The following LRRC7 variants were observed in gnomAD, a reference collection of about 807,000 sequenced individuals.
LRRC7 encodes leucine rich repeat containing 7, also known as leucine-rich repeat-containing protein 7.
A neutral mutation model predicts 175.7 loss-of-function variants in LRRC7; 23 were observed. The observed-to-expected ratio is 0.13, with a 90% CI of 0.09 to 0.19. The LOEUF (loss-of-function observed/expected upper bound fraction) is 0.19. LRRC7 is among the 10% of genes least tolerant of loss of function. The probability of loss-of-function intolerance (pLI) is 1.00; values close to 1 mark genes in which losing one functional copy is unlikely to be tolerated. For synonymous variants in LRRC7, 685 were observed against 680.9 expected (o/e 1.01, Z -0.09); for missense variants, 1,354 against 1,904.7 (o/e 0.71, Z 5.38).
chr1:69,714,090 A>G (rs1386801872), intron 2 of LRRC7, among the ~76,000 whole-genome samples: 1 of 152,114 alleles, frequency 6.6e-6, no homozygotes, highest in Non-Finnish European at 1.5e-5. Context: ...CCTTACACCA[A>G]TTCACCTTGC....
intron 2 of LRRC7, among the ~76,000 whole-genome samples, chr1:69,729,426 G>T (rs778083489): frequency 3.3e-5 from 5 of 152,088 alleles, no homozygotes; most frequent in Non-Finnish European, 5.9e-5. Flanking sequence ...TACAATGGGG[G>T]TACAGGTATT....
chr1:70,030,696 T>G (rs725794), intron 18 of LRRC7, among the ~76,000 whole-genome samples: 2,576 of 152,134 alleles, frequency 0.017, 76 homozygotes, highest in African/African-American at 0.059. Flanking sequence ...ATTCATGTGA[T>G]TAAATATAGA....
In LRRC7 at chr1:69,742,174, A is replaced by G. The variant is rs187615616; in HGVS notation, c.101-18017A>G. On this transcript the variant is annotated intron_variant, in intron 2 of 26. Transcript: ENST00000651989. The stretch of plus-strand genomic sequence containing the variant: ...ACAGTGAGTACATGAAATAATTGGA[A>G]TTGTAAGTATTACTTTTGGAGAAGA... Among the ~76,000 whole-genome samples the G allele has an allele frequency of 4.7e-3, 708 of 152,184 alleles. 6 individuals carry two copies. The highest frequency in any genetic ancestry group is 0.031 in the Middle Eastern group (9 of 294).
chr1:69,612,272 A>T (rs1648892176), intron 1 of LRRC7, among the ~76,000 whole-genome samples: 1 of 152,046 alleles, frequency 6.6e-6, no homozygotes, highest in Non-Finnish European at 1.5e-5. Flanking sequence ...TCAAAACTTG[A>T]TCTGATATGA....
rs1200202233 is a variant in LRRC7 at position 70,132,451 on chromosome 1, T to C, written c.*10564T>C. Among the ~76,000 whole-genome samples the C allele has an allele frequency of 2.6e-5, 2 of 77,224 alleles. No homozygotes were observed. Among genetic ancestry groups the C allele is most frequent in the East Asian group, 3.2e-4 (1 of 3,106 alleles). The allele number at this position is 77,224 out of a possible 152,430, so 50.7% of individuals were successfully genotyped here. On this transcript the variant is annotated 3_prime_UTR_variant, in exon 27 of 27. Coordinates refer to ENST00000651989, the MANE Select transcript of LRRC7 (RefSeq NM_001370785.2). ...AGTACTTTTCTTTTTTCTTTTCTTT[T>C]CTTTTCTTTTTTTTTTTTTTTTTTT...
chr1:69,665,675 A>G (rs1037682175), intron 1 of LRRC7, among the ~76,000 whole-genome samples: 13 of 151,400 alleles, frequency 8.6e-5, no homozygotes, highest in African/African-American at 2.7e-4. Context: ...TTGATTTTGT[A>G]TCCTACAACT....
rs148873789 is a variant in LRRC7, at chr1:69,747,441, A to T, written c.101-12750A>T. On this transcript the variant is annotated intron_variant, in intron 2 of 26. Coordinates refer to ENST00000651989, the MANE Select transcript of LRRC7 (RefSeq NM_001370785.2). ...GTCCAGCTCAGCAGTATGTAATTAT[A>T]GTGAAGATAGCAGAGAGCCAGTGAA... Among the ~76,000 whole-genome samples, 209 of 152,262 alleles carry T rather than the reference A, an allele frequency of 1.4e-3. 1 individual carries two copies. The highest frequency in any genetic ancestry group is 2.5e-3 in the Non-Finnish European group (167 of 68,010).
At chr1:69,886,189 GT>G (rs1557851371) in intron 7 of LRRC7, among the ~76,000 whole-genome samples, 2 of 151,928 alleles carry the variant, frequency 1.3e-5, no homozygotes, top group African/African-American at 4.8e-5. Flanking sequence ...TTTCTGTCTC[GT>G]TTATCTGTCT....
chr1:69,990,649 G>A (rs1037372038), intron 10 of LRRC7, among the ~76,000 whole-genome samples: 1 of 152,030 alleles, frequency 6.6e-6, no homozygotes, highest in Non-Finnish European at 1.5e-5. Context: ...AAATGTAAAT[G>A]TATCTACTTA....
intron 9 of LRRC7, among the ~76,000 whole-genome samples, chr1:69,980,794 T>A (rs1322922993): frequency 4.6e-5 from 7 of 152,202 alleles, no homozygotes; most frequent in Non-Finnish European, 1.0e-4. Context: ...AGTTTTATTT[T>A]TACAAAATCA....
intron 1 of LRRC7, chr1:69,607,585 A>G (rs1346840924): frequency 2.6e-5 from 4 of 152,052 alleles, no homozygotes; most frequent in Non-Finnish European, 5.9e-5. Context: ...CTTTTGATTT[A>G]TAAGTCTTCC....
At chr1:69,934,220 T>A (rs745320481) in intron 8 of LRRC7, among the ~76,000 whole-genome samples, 4 of 152,128 alleles carry the variant, frequency 2.6e-5, no homozygotes, top group Non-Finnish European at 5.9e-5. Flanking sequence ...TATCATTAGA[T>A]GATTTATTTT....
chr1:69,760,960 TACACACACAC>T lies in LRRC7; in HGVS notation c.303+580_303+589del, dbSNP rs59808973. ...TTGAAACTATCAAACTTTGTGCACA[TACACACACAC>T]ACACACACACACGTGCACACCTGCA... On this transcript the variant is annotated intron_variant, in intron 3 of 26. Transcript: ENST00000651989. 1.3e-5 allele frequency among the ~76,000 whole-genome samples: 2 copies of T among 149,538 alleles called. 1 individual carries two copies. Among genetic ancestry groups the T allele is most frequent in the South Asian group, 4.2e-4 (2 of 4,742 alleles).
chr1:69,699,282 C>T (rs1663025203), intron 2 of LRRC7, among the ~76,000 whole-genome samples: 1 of 152,200 alleles, frequency 6.6e-6, no homozygotes, highest in African/African-American at 2.4e-5. Context: ...TGGCTCACGC[C>T]TGTAATCCCA....
At chr1:69,691,672 C>G (rs1346876894) in intron 2 of LRRC7, among the ~76,000 whole-genome samples, 2 of 151,612 alleles carry the variant, frequency 1.3e-5, no homozygotes, top group Non-Finnish European at 2.9e-5. Context: ...GTGGCACATG[C>G]CTGTAGTCCC....
chr1:69,713,708 C>A (rs1665037269), intron 2 of LRRC7, among the ~76,000 whole-genome samples: 1 of 150,796 alleles, frequency 6.6e-6, no homozygotes, highest in Non-Finnish European at 1.5e-5. Context: ...TCAGCTAAAC[C>A]TTAGTTACTT....
At chr1:69,735,660 A>G (rs78880932) in intron 2 of LRRC7, among the ~76,000 whole-genome samples, 1,602 of 152,208 alleles carry the variant, frequency 0.011, 35 homozygotes, top group African/African-American at 0.038. Context: ...TTTACCCAAT[A>G]GTTATAACTT....
At chr1:69,760,137 T>G in intron 2 of LRRC7, 54 bp from the exon 3 acceptor site, 2 of 1,579,292 alleles carry the variant, frequency 1.3e-6, no homozygotes, top group Non-Finnish European at 1.7e-6. Context: ...AAGAATGCCT[T>G]CCAAGGGCAC....
chr1:69,965,804 G>T (rs1443411960), intron 8 of LRRC7, among the ~76,000 whole-genome samples: 1 of 152,064 alleles, frequency 6.6e-6, no homozygotes, highest in African/African-American at 2.4e-5. Context: ...TTGGGAGAAT[G>T]TACAAGTAGG....
Sources: gnomAD v4.1 joint callset for allele counts (sites outside exome capture counted in the v4.1 genomes callset) on GRCh38, gnomAD v4.1.1 for gene constraint, MANE v1.5 for transcripts, NCBI Gene and HGNC (gene_info 2026-07-23, HGNC 2026-07-21) for gene names.